Variants in HMGA2 observed in about 807,000 individuals in gnomAD.
The protein encoded by HMGA2 is high mobility group AT-hook 2.
HMGA2 carries 8 observed loss-of-function variants against 19.1 expected under a neutral mutation model. The ratio of observed to expected loss-of-function variants is 0.42; its 90% CI spans 0.25 to 0.76. The LOEUF (loss-of-function observed/expected upper bound fraction) is 0.76. HMGA2 is among the 30% of genes least tolerant of loss of function. The pLI is 0.28. For synonymous variants in HMGA2, 60 were observed against 48.8 expected, an observed-to-expected ratio of 1.23 and a Z score of -0.96; for missense variants, 109 against 136.3, an observed-to-expected ratio of 0.80 and a Z score of 1.00.
At chr12:65,860,766 T>C (rs1872018208) in intron 3 of HMGA2, among the ~76,000 whole-genome samples, 1 of 152,246 alleles carries the variant, frequency 6.6e-6, no homozygotes, top group Non-Finnish European at 1.5e-5. Flanking sequence ...GAGGAATTAC[T>C]GCTGCTGCTA....
intron 3 of HMGA2, among the ~76,000 whole-genome samples, chr12:65,921,321 A>G (rs1367793564): frequency 1.3e-5 from 2 of 152,120 alleles, no homozygotes; most frequent in African/African-American, 4.8e-5. Context: ...GTGCAGTGGC[A>G]GGATCTCGGC....
At position 65,954,056 on chromosome 12, in the gene HMGA2, C is replaced by T. The variant is rs1425458542; in HGVS notation, c.282+2641C>T. 7 of 152,130 alleles carry T rather than the reference C, an allele frequency of 4.6e-5. No homozygotes were observed. In the East Asian group the frequency reaches 1.3e-3, roughly 29 times the overall value. 9.4% of individuals were successfully genotyped at this position (152,130 alleles called of 1,614,324 possible). Reference sequence around the variant, plus strand: ...AGGGCTCAGCAGTGTGTAAACAGACCTACGTTTTTCTTTCTGGCCCCATCA... The same window carrying T: ...AGGGCTCAGCAGTGTGTAAACAGACTTACGTTTTTCTTTCTGGCCCCATCA... On this transcript the variant is annotated intron_variant, in intron 4 of 4. Coordinates refer to ENST00000403681, the MANE Select transcript of HMGA2 (RefSeq NM_003483.6).
chr12:65,952,485 C>T, intron 4 of HMGA2: 1 of 1,525,450 alleles, frequency 6.6e-7, no homozygotes, highest in East Asian at 2.5e-5. Flanking sequence ...TGTCTTCAAA[C>T]AATTACATAT....
intron 4 of HMGA2, among the ~76,000 whole-genome samples, chr12:65,959,142 T>C (rs1350627581): frequency 6.6e-6 from 1 of 152,228 alleles, no homozygotes; most frequent in South Asian, 2.1e-4. Context: ...CATTTTAAAA[T>C]TCCATCAGCC....
intron 3 of HMGA2, among the ~76,000 whole-genome samples, chr12:65,907,151 C>T (rs932987121): frequency 6.6e-6 from 1 of 152,064 alleles, no homozygotes; most frequent in Non-Finnish European, 1.5e-5. Flanking sequence ...AATCCCAGCA[C>T]TTTGGGAGGC....
At chr12:65,842,127 T>G (rs1227944504) in intron 3 of HMGA2, 5 of 1,289,376 alleles carry the variant, frequency 3.9e-6, no homozygotes, top group Non-Finnish European at 5.1e-6. Context: ...TTCCTGGCTT[T>G]TTATAGTTAA....
chr12:65,882,458 G>T (rs1218581901), intron 3 of HMGA2, among the ~76,000 whole-genome samples: 2 of 152,324 alleles, frequency 1.3e-5, no homozygotes, highest in East Asian at 3.9e-4. Context: ...AACTTCTAGA[G>T]AGGCTGCATC....
chr12:65,861,775 A>G (rs1872088799), intron 3 of HMGA2, among the ~76,000 whole-genome samples: 1 of 151,842 alleles, frequency 6.6e-6, no homozygotes, highest in Non-Finnish European at 1.5e-5. Context: ...AACTGGCTTT[A>G]AAGATATGCT....
chr12:65,864,477 T>A (rs1433772517), intron 3 of HMGA2, among the ~76,000 whole-genome samples: 3 of 152,232 alleles, frequency 2.0e-5, no homozygotes, highest in Non-Finnish European at 4.4e-5. Flanking sequence ...AAATCCCCTG[T>A]TATGTTACTC....
intron 3 of HMGA2, among the ~76,000 whole-genome samples, chr12:65,894,341 A>T (rs1367773388): frequency 6.6e-6 from 1 of 152,206 alleles, no homozygotes. Flanking sequence ...GCTCATTCTT[A>T]TCTTTTAGAA....
chr12:65,940,544 A>G (rs140503244), intron 3 of HMGA2, among the ~76,000 whole-genome samples: 38 of 152,286 alleles, frequency 2.5e-4, no homozygotes, highest in Admixed American at 1.6e-3. Flanking sequence ...CTAGATTTTT[A>G]TTATGTTTTT....
At chr12:65,894,228 C>T (rs1874033397) in intron 3 of HMGA2, among the ~76,000 whole-genome samples, 2 of 152,166 alleles carry the variant, frequency 1.3e-5, no homozygotes. Flanking sequence ...ACTCTACCAT[C>T]TGCTAGATTT....
intron 3 of HMGA2, chr12:65,881,638 G>C: frequency 1.5e-6 from 1 of 663,436 alleles, no homozygotes. Flanking sequence ...GAGGGAGGGA[G>C]GGAGGGAGGG....
At chr12:65,908,682 C>T (rs1218965001) in intron 3 of HMGA2, among the ~76,000 whole-genome samples, 1 of 152,146 alleles carries the variant, frequency 6.6e-6, no homozygotes, top group Non-Finnish European at 1.5e-5. Flanking sequence ...TCTTCCTTGG[C>T]ATCTAATGGG....
chr12:65,925,301 A>G (rs1875468599), intron 3 of HMGA2, among the ~76,000 whole-genome samples: 1 of 152,158 alleles, frequency 6.6e-6, no homozygotes, highest in African/African-American at 2.4e-5. Flanking sequence ...AAAAAAATTG[A>G]CTTTTGGACA....
At chr12:65,902,166 G>GT (rs374374733) in intron 3 of HMGA2, among the ~76,000 whole-genome samples, 31 of 149,078 alleles carry the variant, frequency 2.1e-4, no homozygotes, top group South Asian at 6.4e-4. Flanking sequence ...ACTTTTAAGA[G>GT]TTTTTTTTTT....
At chr12:65,885,580 G>C (rs1873621478) in intron 3 of HMGA2, among the ~76,000 whole-genome samples, 1 of 152,196 alleles carries the variant, frequency 6.6e-6, no homozygotes, top group Non-Finnish European at 1.5e-5. Context: ...CCTGGTGATA[G>C]CATCTGGAAT....
chr12:65,861,898 G>A (rs1019763580), intron 3 of HMGA2, among the ~76,000 whole-genome samples: 52 of 149,812 alleles, frequency 3.5e-4, no homozygotes, highest in South Asian at 1.0e-3. Context: ...AGGCTGGAGC[G>A]CAATGGCGCG....
intron 3 of HMGA2, among the ~76,000 whole-genome samples, chr12:65,861,843 T>G (rs1035978699): frequency 2.6e-5 from 4 of 151,160 alleles, no homozygotes; most frequent in African/African-American, 9.8e-5. Context: ...GTGCAACATG[T>G]TTCTTTTTTT....
Sources: allele counts gnomAD v4.1 joint callset (sites outside exome capture counted in the v4.1 genomes callset), GRCh38; gene constraint gnomAD v4.1.1; transcripts MANE v1.5; gene names NCBI Gene and HGNC (gene_info 2026-07-23, HGNC 2026-07-21).